The following IL1RAPL1 variants were observed in gnomAD, a reference collection of about 807,000 sequenced individuals.
IL1RAPL1 encodes interleukin-1 receptor accessory protein-like 1.
IL1RAPL1 carries 3 observed loss-of-function variants against 48.4 expected under a neutral mutation model. The ratio of observed to expected loss-of-function variants is 0.06; its 90% confidence interval spans 0.03 to 0.16. IL1RAPL1 has a LOEUF of 0.16. Ranked by LOEUF, IL1RAPL1 falls within the 10% of genes least tolerant of loss-of-function variation. The pLI is 1.00. For synonymous variants in IL1RAPL1, 185 were observed against 187.7 expected, an observed-to-expected ratio of 0.99 and a Z score of 0.12; for missense variants, 349 against 530.6, an observed-to-expected ratio of 0.66 and a Z score of 3.36.
intron 6 of IL1RAPL1, among the ~76,000 whole-genome samples, chrX:29,753,121 G>T (rs1454789682): frequency 4.5e-5 from 5 of 111,912 alleles, no homozygotes; most frequent in Non-Finnish European, 7.5e-5. Context: ...AAAACATTCT[G>T]TGTAAGTTAA....
intron 2 of IL1RAPL1, among the ~76,000 whole-genome samples, chrX:29,041,941 A>C (rs1602025680): frequency 8.9e-6 from 1 of 111,974 alleles, no homozygotes; most frequent in South Asian, 3.7e-4. Flanking sequence ...AGTAATAGCT[A>C]AGAGGGGGAG....
intron 2 of IL1RAPL1, among the ~76,000 whole-genome samples, chrX:29,030,034 T>A (rs1926583263): frequency 9.1e-6 from 1 of 110,107 alleles, no homozygotes; most frequent in African/African-American, 3.3e-5. Flanking sequence ...CTTTGCCCCT[T>A]TGTCAAAGAT....
intron 2 of IL1RAPL1, among the ~76,000 whole-genome samples, chrX:29,176,452 C>T (rs935224189): frequency 9.2e-6 from 1 of 109,188 alleles, no homozygotes; most frequent in African/African-American, 3.3e-5. Flanking sequence ...AACCCTTGTC[C>T]GAGTTTCTCA....
intron 2 of IL1RAPL1, among the ~76,000 whole-genome samples, chrX:28,967,938 G>A (rs1380390010): frequency 8.9e-6 from 1 of 111,949 alleles, no homozygotes; most frequent in Non-Finnish European, 1.9e-5. Context: ...GTGCCTGAGA[G>A]AGAGCGTCCC....
Position 28,955,195 on chromosome X carries a change from C to T in IL1RAPL1, c.82+165770C>T, listed in dbSNP as rs142021294. ...ACTAGCCAAAACATTTTATCAAACA[C>T]GTGACAGGAATGGATTACATTGATA... is the stretch of plus-strand genomic sequence containing the variant. On this transcript the variant is annotated intron_variant, in intron 2 of 10. Coordinates refer to ENST00000378993, the MANE Select transcript of IL1RAPL1 (RefSeq NM_014271.4). Among the ~76,000 whole-genome samples the T allele has an allele frequency of 7.6e-3, 845 of 111,244 alleles. 8 individuals are homozygous for T. The highest frequency in any genetic ancestry group is 0.026 in the African/African-American group (794 of 30,711).
Position 28,822,500 on chromosome X carries a change from C to T in IL1RAPL1, c.82+33075C>T, listed in dbSNP as rs544554802. Among the ~76,000 whole-genome samples, 9 of 112,004 alleles carry T rather than the reference C, an allele frequency of 8.0e-5. No individual in the cohort carries two copies. The South Asian group carries it at 3.3e-3, about 42-fold the overall frequency. ...ACAAGGAACTGTCTTATTCCTGACA[C>T]ATTGCTGTTGTGCCTAATGCAGTTG... On this transcript the variant is annotated intron_variant, in intron 2 of 10. Coordinates refer to ENST00000378993, the MANE Select transcript of IL1RAPL1 (RefSeq NM_014271.4).
At chrX:28,987,109 G>T (rs191120952) in intron 2 of IL1RAPL1, among the ~76,000 whole-genome samples, 27 of 112,496 alleles carry the variant, frequency 2.4e-4, no homozygotes, top group African/African-American at 8.7e-4. Flanking sequence ...CCTCCTTAGG[G>T]AAAGTGAGTT....
chrX:29,204,064 T>C (rs1242736276), intron 2 of IL1RAPL1, among the ~76,000 whole-genome samples: 1 of 111,193 alleles, frequency 9.0e-6, no homozygotes, highest in Non-Finnish European at 1.9e-5. Flanking sequence ...AGCATTCCAT[T>C]GTGTATATAC....
intron 1 of IL1RAPL1, among the ~76,000 whole-genome samples, chrX:28,766,732 A>G (rs189049325): frequency 9.0e-6 from 1 of 110,549 alleles, no homozygotes; most frequent in Admixed American, 9.7e-5. Context: ...TCTACTCTCC[A>G]TGTCCATGAG....
At chrX:28,698,783 A>G (rs1168564951) in intron 1 of IL1RAPL1, among the ~76,000 whole-genome samples, 1 of 111,790 alleles carries the variant, frequency 8.9e-6, no homozygotes, top group Admixed American at 9.6e-5. Flanking sequence ...TGAAGTTTTT[A>G]TAAGTGACCA....
At chrX:28,597,221 G>A (rs1933965449) in intron 1 of IL1RAPL1, among the ~76,000 whole-genome samples, 1 of 111,412 alleles carries the variant, frequency 9.0e-6, no homozygotes. Flanking sequence ...ATGAGCTTAA[G>A]GAAAACAGAA....
chrX:29,869,359 C>T (rs779766402), intron 6 of IL1RAPL1, among the ~76,000 whole-genome samples: 3 of 111,464 alleles, frequency 2.7e-5, no homozygotes, highest in Admixed American at 9.6e-5. Context: ...GGAGACTTTA[C>T]GAAAGGTAGG....
At chrX:28,737,680 T>A (rs1014118760) in intron 1 of IL1RAPL1, among the ~76,000 whole-genome samples, 2 of 112,686 alleles carry the variant, frequency 1.8e-5, no homozygotes, top group South Asian at 3.6e-4. Context: ...TTTTAAAGTT[T>A]TAACATTTTA....
chrX:29,160,814 G>T (rs1048321401), intron 2 of IL1RAPL1, among the ~76,000 whole-genome samples: 3 of 112,463 alleles, frequency 2.7e-5, no homozygotes, highest in African/African-American at 9.7e-5. Flanking sequence ...AGCACTTTGG[G>T]AGGCCAAGGC....
chrX:29,789,598 C>T (rs1292805171), intron 6 of IL1RAPL1, among the ~76,000 whole-genome samples: 4 of 110,204 alleles, frequency 3.6e-5, no homozygotes, highest in African/African-American at 1.3e-4. Context: ...TGTTTTTTTT[C>T]TGGCAAGAGT....
In IL1RAPL1 at chrX:29,806,054, G is replaced by A. The variant is rs1390299276; in HGVS notation, c.779-111410G>A. On this transcript the variant is annotated intron_variant, in intron 6 of 10. Coordinates refer to ENST00000378993, the MANE Select transcript of IL1RAPL1 (RefSeq NM_014271.4). ...GAATGAGAATGTGATGAAGGGCAGA[G>A]AATAGGGATCAGAAATACAGCTGAT... Among the ~76,000 whole-genome samples, 4 of 109,621 alleles carry A rather than the reference G, an allele frequency of 3.6e-5. No individual in the cohort carries two copies. The East Asian group carries it at 1.1e-3, about 31-fold the overall frequency.
chrX:29,550,291 A>C (rs1921766080), intron 5 of IL1RAPL1, among the ~76,000 whole-genome samples: 1 of 110,589 alleles, frequency 9.0e-6, no homozygotes, highest in African/African-American at 3.3e-5. Flanking sequence ...TCCCGGGTTC[A>C]CGCCATTCTC....
chrX:29,368,964 C>T lies in IL1RAPL1; in HGVS notation c.363-27294C>T, dbSNP rs762838123. 3 of 118,564 alleles carry T rather than the reference C, an allele frequency of 2.5e-5. No homozygotes were observed. The South Asian group carries it at 9.1e-4, about 36-fold the overall frequency. The allele number at this position is 118,564 out of a possible 1,213,427, so 9.8% of individuals were successfully genotyped here. On this transcript the variant is annotated intron_variant, in intron 3 of 10. Coordinates refer to ENST00000378993, the MANE Select transcript of IL1RAPL1 (RefSeq NM_014271.4). ...GTTGCTGCTGCTGCTGCTGCTGCTG[C>T]TATTGAAAAGCAGAAGACAGCTGGG...
chrX:28,775,135 A>G (rs1056260599), intron 1 of IL1RAPL1, among the ~76,000 whole-genome samples: 29 of 111,891 alleles, frequency 2.6e-4, no homozygotes, highest in African/African-American at 5.5e-4. Flanking sequence ...TTAAAAATGT[A>G]TATTATCTTA....
Sources: allele counts gnomAD v4.1 joint callset (sites outside exome capture counted in the v4.1 genomes callset), GRCh38; gene constraint gnomAD v4.1.1; transcripts MANE v1.5; gene names NCBI Gene and HGNC (gene_info 2026-07-23, HGNC 2026-07-21).